Variants in CSMD1 observed in about 807,000 individuals in gnomAD.
The protein encoded by CSMD1 is CUB and Sushi multiple domains 1.
In CSMD1, 213 loss-of-function variants were observed where a neutral mutation model predicts 417.5. The ratio of observed to expected loss-of-function variants is 0.51; its 90% CI spans 0.46 to 0.57. The LOEUF (loss-of-function observed/expected upper bound fraction) is 0.57, where lower values mean the gene tolerates loss of function less well. Ranked by LOEUF, CSMD1 falls within the 20% of genes least tolerant of loss-of-function variation. The pLI, the probability that CSMD1 is intolerant of heterozygous loss-of-function variation, is 0.00. For synonymous variants in CSMD1, 2,862 were observed against 1,736.8 expected, an observed-to-expected ratio of 1.65 and a Z score of -16.11; for missense variants, 6,923 against 4,529.7, an observed-to-expected ratio of 1.53 and a Z score of -15.17.
intron 1 of CSMD1, among the ~76,000 whole-genome samples, chr8:4,693,283 G>C (rs540111957): frequency 7.2e-5 from 11 of 152,224 alleles, no homozygotes; most frequent in Non-Finnish European, 1.3e-4. Flanking sequence ...TGGAGAGGTA[G>C]ATAGGGAAGA....
intron 11 of CSMD1, among the ~76,000 whole-genome samples, chr8:3,472,775 G>C (rs1281903548): frequency 6.6e-6 from 1 of 152,014 alleles, no homozygotes; most frequent in Non-Finnish European, 1.5e-5. Flanking sequence ...TAAGTATAAG[G>C]GGGAAAACAT....
At chr8:4,647,265 A>T (rs1359894807) in intron 1 of CSMD1, among the ~76,000 whole-genome samples, 1 of 151,942 alleles carries the variant, frequency 6.6e-6, no homozygotes, top group Non-Finnish European at 1.5e-5. Context: ...TCTTCTAAAA[A>T]AAAAAATCCG....
chr8:4,507,704 A>G (rs1398756403), intron 2 of CSMD1, among the ~76,000 whole-genome samples: 1 of 152,182 alleles, frequency 6.6e-6, no homozygotes, highest in Non-Finnish European at 1.5e-5. Flanking sequence ...ACCAGGCTGA[A>G]GAGAAAATGA....
intron 3 of CSMD1, among the ~76,000 whole-genome samples, chr8:4,382,618 T>C (rs979412602): frequency 3.3e-5 from 5 of 152,220 alleles, no homozygotes; most frequent in Admixed American, 6.5e-5. Flanking sequence ...TTAAAGGTCA[T>C]ACATATAATT....
At chr8:3,977,386 G>C (rs181355137) in intron 5 of CSMD1, among the ~76,000 whole-genome samples, 17 of 152,214 alleles carry the variant, frequency 1.1e-4, no homozygotes, top group African/African-American at 4.1e-4. Context: ...TTGCTGAAAA[G>C]AGAAATTTCT....
chr8:4,372,255 T>G (rs114283145), intron 3 of CSMD1, among the ~76,000 whole-genome samples: 1,945 of 152,286 alleles, frequency 0.013, 34 homozygotes, highest in African/African-American at 0.043. Context: ...TAAAGATACA[T>G]AACGTCGGCT....
intron 3 of CSMD1, among the ~76,000 whole-genome samples, chr8:4,362,118 A>T (rs1029635039): frequency 2.0e-5 from 3 of 152,222 alleles, no homozygotes; most frequent in African/African-American, 7.2e-5. Context: ...TACAAATCCA[A>T]GTACTTTATA....
chr8:4,319,650 C>T (rs1048164633), intron 3 of CSMD1, among the ~76,000 whole-genome samples: 3 of 152,016 alleles, frequency 2.0e-5, no homozygotes, highest in Non-Finnish European at 2.9e-5. Flanking sequence ...AGTTCACTGC[C>T]TGGAAAGAGA....
At chr8:4,112,015 G>A (rs7013590) in intron 3 of CSMD1, among the ~76,000 whole-genome samples, 47,897 of 151,570 alleles carry the variant, frequency 0.32, 7,939 homozygotes, top group East Asian at 0.5. Flanking sequence ...TCTTTTAAAT[G>A]ACATGAAATG....
At chr8:4,034,137 T>C (rs1393298897) in intron 3 of CSMD1, among the ~76,000 whole-genome samples, 2 of 152,344 alleles carry the variant, frequency 1.3e-5, no homozygotes, top group East Asian at 1.9e-4. Context: ...GTTTTATTAG[T>C]TTTTAAACTG....
At chr8:4,287,962 C>G (rs975544207) in intron 3 of CSMD1, among the ~76,000 whole-genome samples, 37 of 152,126 alleles carry the variant, frequency 2.4e-4, no homozygotes, top group African/African-American at 8.2e-4. Context: ...TAGCAAATCC[C>G]AAGACAATAT....
At chr8:4,929,746 T>G (rs186456286) in intron 1 of CSMD1, among the ~76,000 whole-genome samples, 98 of 152,302 alleles carry the variant, frequency 6.4e-4, no homozygotes, top group Middle Eastern at 6.8e-3. Context: ...ACATTCACCC[T>G]AAGCCATGGT....
Position 3,251,639 on chromosome 8 carries a change from A to G in CSMD1, c.4154-21408T>C, listed in dbSNP as rs546857914. ...GCTTGATGGGGATGGCTTTGAATCT[A>G]TCAATTACCTTGGGCAGCATGGGCA... On this transcript the variant is annotated intron_variant, in intron 26 of 69. Transcript: ENST00000635120. 2.6e-5 allele frequency among the ~76,000 whole-genome samples: 4 copies of G among 152,228 alleles called. No individual in the cohort carries two copies. The East Asian group carries it at 5.8e-4, about 22-fold the overall frequency.
intron 2 of CSMD1, among the ~76,000 whole-genome samples, chr8:4,594,656 A>G (rs758725842): frequency 2.6e-5 from 4 of 152,144 alleles, no homozygotes; most frequent in Non-Finnish European, 4.4e-5. Context: ...CAAAACCTAC[A>G]TTTTACTCTG....
At chr8:4,236,039 G>GTTTTTTTTTTTTTTTTTTTTTTT (rs869245155) in intron 3 of CSMD1, among the ~76,000 whole-genome samples, 2 of 31,712 alleles carry the variant, frequency 6.3e-5, no homozygotes, top group African/African-American at 1.4e-4. Flanking sequence ...TTTTTTGTTT[G>GTTTTTTTTTTTTTTTTTTTTTTT]TTTTTTTTTT....
At chr8:3,888,606 C>G (rs1806728451) in intron 5 of CSMD1, among the ~76,000 whole-genome samples, 1 of 152,126 alleles carries the variant, frequency 6.6e-6, no homozygotes, top group Admixed American at 6.5e-5. Context: ...CATAATCTAA[C>G]AAGATCTTTG....
chr8:3,674,708 C>A (rs1799282620), intron 7 of CSMD1, among the ~76,000 whole-genome samples: 1 of 152,076 alleles, frequency 6.6e-6, no homozygotes, highest in Admixed American at 6.6e-5. Flanking sequence ...GAGATGAGAG[C>A]CCCAGTCTTG....
chr8:2,942,703 C>A, intron 68 of CSMD1, 99 bp from the exon 69 acceptor site: 1 of 899,382 alleles, frequency 1.1e-6, no homozygotes, highest in South Asian at 3.3e-5. Context: ...CTTCAAGAAG[C>A]AGACGGAGTT....
chr8:4,118,941 G>A (rs1468261735), intron 3 of CSMD1, among the ~76,000 whole-genome samples: 2 of 152,152 alleles, frequency 1.3e-5, no homozygotes, highest in Non-Finnish European at 2.9e-5. Context: ...TTCCTTTGGG[G>A]GGACATGGGT....
Sources: gnomAD v4.1 joint callset for allele counts (sites outside exome capture counted in the v4.1 genomes callset) on GRCh38, gnomAD v4.1.1 for gene constraint, MANE v1.5 for transcripts, NCBI Gene and HGNC (gene_info 2026-07-23, HGNC 2026-07-21) for gene names.